EIF1AX: variants seen among roughly 807,000 people sequenced by gnomAD.
EIF1AX encodes the protein eukaryotic translation initiation factor 1A, X-chromosomal.
EIF1AX carries 1 observed loss-of-function variant against 16.1 expected under a neutral mutation model. That is an observed-to-expected ratio of 0.06 (90% CI 0.02 to 0.30). The LOEUF (loss-of-function observed/expected upper bound fraction) is 0.30, where lower values mean the gene tolerates loss of function less well. Among genes scored for constraint, EIF1AX ranks in the 10% least tolerant of loss-of-function variants. The probability of loss-of-function intolerance (pLI) is 1.00; values close to 1 mark genes in which losing one functional copy is unlikely to be tolerated. For missense variants in EIF1AX, 11 were observed against 109.1 expected, an observed-to-expected ratio of 0.10 and a Z score of 4.00; for synonymous variants, 32 against 37.3, an observed-to-expected ratio of 0.86 and a Z score of 0.51.
intron 1 of EIF1AX, 128 bp from the exon 2 acceptor site, chrX:20,138,750 A>G (rs2067025278): frequency 2.2e-6 from 1 of 453,591 alleles, no homozygotes; most frequent in Non-Finnish European, 3.7e-6. Context: ...AAATTCATCT[A>G]TTTTAGCTAC....
At chrX:20,139,667 G>T (rs1318457158) in intron 1 of EIF1AX, among the ~76,000 whole-genome samples, 1 of 111,023 alleles carries the variant, frequency 9.0e-6, no homozygotes, top group Non-Finnish European at 1.9e-5. Context: ...GGAAGAGCTT[G>T]GAAGCAGCAA....
chrX:20,137,022 T>C (rs2067018938), intron 2 of EIF1AX, among the ~76,000 whole-genome samples: 1 of 111,822 alleles, frequency 8.9e-6, no homozygotes, highest in African/African-American at 3.3e-5. Context: ...ATTATATCAA[T>C]GTCAAATTAC....
At chrX:20,130,302 CAAA>C (rs773734086) in intron 6 of EIF1AX, among the ~76,000 whole-genome samples, 1,432 of 28,148 alleles carry the variant, frequency 0.051, 3 homozygotes, top group African/African-American at 0.16. Flanking sequence ...AACTCCATCA[CAAA>C]AAAAAAAAAA....
intron 3 of EIF1AX, among the ~76,000 whole-genome samples, chrX:20,134,782 T>C (rs955892130): frequency 2.5e-4 from 28 of 111,303 alleles, no homozygotes; most frequent in African/African-American, 8.1e-4. Context: ...AGTTTGGGAA[T>C]AGAAGGATTA....
intron 6 of EIF1AX, among the ~76,000 whole-genome samples, chrX:20,128,934 ATT>A (rs571306745): frequency 6.0e-5 from 6 of 100,298 alleles, no homozygotes; most frequent in Non-Finnish European, 2.0e-5. Flanking sequence ...AGGTTCCTTA[ATT>A]TTTTTTTTTT....
intron 1 of EIF1AX, among the ~76,000 whole-genome samples, chrX:20,139,019 C>CA (rs1456900341): frequency 2.7e-5 from 3 of 112,167 alleles, no homozygotes; most frequent in Admixed American, 9.4e-5. Context: ...CCGATACTTT[C>CA]AAAATTAAGT....
intron 5 of EIF1AX, among the ~76,000 whole-genome samples, chrX:20,130,896 T>G (rs1470683835): frequency 9.0e-6 from 1 of 111,469 alleles, no homozygotes; most frequent in Non-Finnish European, 1.9e-5. Context: ...CGTATTTCCT[T>G]AAGAATAGCT....
chrX:20,132,757 T>G (rs1201474737), intron 4 of EIF1AX, among the ~76,000 whole-genome samples: 1 of 112,138 alleles, frequency 8.9e-6, no homozygotes, highest in Non-Finnish European at 1.9e-5. Context: ...TGAAGACAGA[T>G]TAGTAGATGT....
chrX:20,131,896 G>A (rs1371071997), intron 5 of EIF1AX, among the ~76,000 whole-genome samples: 3 of 107,540 alleles, frequency 2.8e-5, no homozygotes, highest in Non-Finnish European at 5.8e-5. Flanking sequence ...CGCACTGACA[G>A]TCTCTCGAGG....
At chrX:20,136,789 G>A (rs942587665) in intron 2 of EIF1AX, among the ~76,000 whole-genome samples, 7 of 111,432 alleles carry the variant, frequency 6.3e-5, no homozygotes, top group African/African-American at 2.3e-4. Flanking sequence ...CTGAAGTGAG[G>A]GAAAAAGTAA....
At position 20,125,009 on chromosome X, in the gene EIF1AX, T is replaced by C. The variant is rs946166530; in HGVS notation, c.*3297A>G. 2.1e-5 allele frequency: 3 copies of C among 145,079 alleles called. No individual in the cohort carries two copies. Among genetic ancestry groups the C allele is most frequent in the Non-Finnish European group, 4.1e-5 (3 of 73,085 alleles). The allele number at this position is 145,079 out of a possible 1,213,427, so 12.0% of individuals were successfully genotyped here. A position where few individuals can be genotyped will look rare whatever the true frequency, so the allele number is the denominator to read the frequency against. ...GACACTGATCTAAGTACATTACATG[T>C]ATAAACATCTAAATTATCAATCCTC... is the stretch of plus-strand genomic sequence containing the variant. On this transcript the variant is annotated 3_prime_UTR_variant, in exon 7 of 7. Transcript: ENST00000379607.
intron 2 of EIF1AX, among the ~76,000 whole-genome samples, chrX:20,137,393 C>T (rs1329379903): frequency 9.0e-6 from 1 of 110,833 alleles, no homozygotes; most frequent in Non-Finnish European, 1.9e-5. Context: ...TTGTAGTGAG[C>T]CGAGATCGCG....
rs767046516 is a variant in EIF1AX at position 20,133,920 on chromosome X, G to C, written c.255+37C>G. The C allele has an allele frequency of 2.1e-5, 23 of 1,094,404 alleles. No individual in the cohort carries two copies. The African/African-American group carries it at 4.1e-4, about 20-fold the overall frequency. The allele number at this position is 1,094,404 out of a possible 1,213,427, so 90.2% of individuals were successfully genotyped here. ...TTAAGAAATGGCTCATCAAATTCAA[G>C]CCAGTAAAATAGGAAAAATTTACAT... is the stretch of plus-strand genomic sequence containing the variant. On this transcript the variant is annotated intron_variant, in intron 4 of 6. Coordinates refer to ENST00000379607, the MANE Select transcript of EIF1AX (RefSeq NM_001412.4).
rs999517119 is a variant in EIF1AX at position 20,128,231 on chromosome X, CTTCT to C, written c.*71_*74del. The C allele has an allele frequency of 3.2e-5, 31 of 961,771 alleles. No individual in the cohort carries two copies. Among genetic ancestry groups the C allele is most frequent in the African/African-American group, 6.0e-5 (3 of 50,253 alleles). The allele number at this position is 961,771 out of a possible 1,213,427, so 79.3% of individuals were successfully genotyped here. ...GCATTCATGCTAATGAAATTTTAAT[CTTCT>C]TTGTCATGATCAAAATCCAAATTGT... On this transcript the variant is annotated 3_prime_UTR_variant, in exon 7 of 7. Transcript: ENST00000379607.
intron 3 of EIF1AX, among the ~76,000 whole-genome samples, chrX:20,134,374 T>G (rs368812952): frequency 1.1e-4 from 12 of 107,503 alleles, no homozygotes; most frequent in African/African-American, 4.1e-4. Flanking sequence ...GGCAACAGAG[T>G]GAGACTCCGT....
chrX:20,127,088 T>C lies in EIF1AX; in HGVS notation c.*1218A>G, dbSNP rs1468889799. 1 of 147,612 alleles carries C rather than the reference T, an allele frequency of 6.8e-6. No homozygotes were observed. Among genetic ancestry groups the C allele is most frequent in the East Asian group, 1.1e-4 (1 of 9,445 alleles). The allele number at this position is 147,612 out of a possible 1,213,427, so 12.2% of individuals were successfully genotyped here. A position where few individuals can be genotyped will look rare whatever the true frequency, so the allele number is the denominator to read the frequency against. On this transcript the variant is annotated 3_prime_UTR_variant, in exon 7 of 7. Coordinates refer to ENST00000379607, the MANE Select transcript of EIF1AX (RefSeq NM_001412.4). Reference sequence around the variant, plus strand: ...AACTAGCTCAGCCCTAGTTTCATTTTATTAGAGTTGACCACTAAAAACTAA... The same window carrying C: ...AACTAGCTCAGCCCTAGTTTCATTTCATTAGAGTTGACCACTAAAAACTAA...
At chrX:20,138,253 T>C (rs1050861987) in intron 2 of EIF1AX, among the ~76,000 whole-genome samples, 5 of 109,659 alleles carry the variant, frequency 4.6e-5, no homozygotes, top group African/African-American at 1.7e-4. Context: ...TCCGCCCGCC[T>C]TGGCCTCCCA....
intron 1 of EIF1AX, 119 bp downstream of exon 1, chrX:20,141,506 G>T: frequency 1.1e-6 from 1 of 874,268 alleles, no homozygotes; most frequent in Non-Finnish European, 1.6e-6. Context: ...GCCCAGCCGC[G>T]GGCAGGCAGG....
chrX:20,125,770 C>A lies in EIF1AX; in HGVS notation c.*2536G>T. The A allele has an allele frequency of 6.3e-6, 1 of 158,579 alleles. No individual in the cohort carries two copies. The highest frequency in any genetic ancestry group is 1.2e-5 in the Non-Finnish European group (1 of 80,728). The allele number at this position is 158,579 out of a possible 1,213,427, so 13.1% of individuals were successfully genotyped here. A position where few individuals can be genotyped will look rare whatever the true frequency, so the allele number is the denominator to read the frequency against. On this transcript the variant is annotated 3_prime_UTR_variant, in exon 7 of 7. Coordinates refer to ENST00000379607, the MANE Select transcript of EIF1AX (RefSeq NM_001412.4). ...CATTAGATGAGATTAAGTTAAATTA[C>A]AAGTCACAAAGAGTTTGTAAGCAAA...
Sources: allele counts gnomAD v4.1 joint callset (sites outside exome capture counted in the v4.1 genomes callset), GRCh38; gene constraint gnomAD v4.1.1; transcripts MANE v1.5; gene names NCBI Gene and HGNC (gene_info 2026-07-23, HGNC 2026-07-21).